The following MPC1 variants were observed in gnomAD, a reference collection of about 807,000 sequenced individuals.
MPC1 encodes HSPC040 protein.
In MPC1, 6 loss-of-function variants were observed where a neutral mutation model predicts 13.9. That is an observed-to-expected ratio of 0.43 (90% CI 0.24 to 0.85). The LOEUF (loss-of-function observed/expected upper bound fraction) is 0.85. Among genes scored for constraint, MPC1 ranks in the 40% least tolerant of loss-of-function variants. The probability of loss-of-function intolerance (pLI) is 0.24; values close to 1 mark genes in which losing one functional copy is unlikely to be tolerated. For synonymous variants in MPC1, 47 were observed against 50.5 expected, an observed-to-expected ratio of 0.93 and a Z score of 0.29; for missense variants, 115 against 143.3, an observed-to-expected ratio of 0.80 and a Z score of 1.01.
At chr6:166,367,705 AT>A (rs1430051653) in intron 2 of MPC1, among the ~76,000 whole-genome samples, 1 of 152,230 alleles carries the variant, frequency 6.6e-6, no homozygotes, top group Non-Finnish European at 1.5e-5. Context: ...TTAATTTAGA[AT>A]TTGGAAATAA....
chr6:166,371,368 C>T lies in MPC1; in HGVS notation c.72-1147G>A, dbSNP rs12110519. 7.5e-3 allele frequency among the ~76,000 whole-genome samples: 1,142 copies of T among 152,194 alleles called. 18 individuals are homozygous for T. The highest frequency in any genetic ancestry group is 0.026 in the African/African-American group (1,081 of 41,522). On this transcript the variant is annotated intron_variant, in intron 1 of 4. Transcript: ENST00000360961. ...TTCCAGAATGTTAAATTTAAAAATA[C>T]ACCAAAAACTTATATTGAGTTACTT...
At chr6:166,370,264 G>A (rs1408206238) in intron 1 of MPC1, 43 bp from the exon 2 acceptor site, 3 of 719,180 alleles carry the variant, frequency 4.2e-6, no homozygotes, top group Admixed American at 2.1e-5. Flanking sequence ...GGACAGACAT[G>A]GAAAAAAAAG....
intron 1 of MPC1, among the ~76,000 whole-genome samples, chr6:166,372,475 G>C (rs78480754): frequency 5.7e-4 from 86 of 152,074 alleles, no homozygotes; most frequent in Non-Finnish European, 1.0e-3. Context: ...TGAGAATAAG[G>C]GAGAATTAAC....
At chr6:166,382,197 CG>C (rs1779814916) in intron 1 of MPC1, among the ~76,000 whole-genome samples, 1 of 152,220 alleles carries the variant, frequency 6.6e-6, no homozygotes, top group Non-Finnish European at 1.5e-5. Flanking sequence ...TCACCCCTGC[CG>C]GGTCACCCTG....
At chr6:166,377,372 G>A (rs1779608484) in intron 1 of MPC1, among the ~76,000 whole-genome samples, 1 of 152,136 alleles carries the variant, frequency 6.6e-6, no homozygotes, top group Admixed American at 6.5e-5. Flanking sequence ...CACCCTGATG[G>A]ACATGGTGGA....
chr6:166,367,730 G>C (rs940923766), intron 2 of MPC1, among the ~76,000 whole-genome samples: 6 of 152,112 alleles, frequency 3.9e-5, no homozygotes, highest in African/African-American at 1.4e-4. Flanking sequence ...TTTCAAATCT[G>C]AAAGGAACCA....
intron 1 of MPC1, among the ~76,000 whole-genome samples, chr6:166,375,985 C>T (rs911998956): frequency 2.6e-5 from 4 of 152,008 alleles, no homozygotes; most frequent in African/African-American, 9.7e-5. Context: ...GTGAAATCTC[C>T]AATTATATTA....
At chr6:166,369,424 A>C (rs2114951871) in intron 2 of MPC1, 1 of 154,292 alleles carries the variant, frequency 6.5e-6, no homozygotes, top group Non-Finnish European at 1.5e-5. Context: ...AAATTAAAAA[A>C]ATAAAAAGTT....
At chr6:166,377,504 G>C (rs1779612888) in intron 1 of MPC1, among the ~76,000 whole-genome samples, 1 of 152,198 alleles carries the variant, frequency 6.6e-6, no homozygotes, top group Non-Finnish European at 1.5e-5. Flanking sequence ...TGAAAGTACT[G>C]AGAGCAATTT....
intron 3 of MPC1, among the ~76,000 whole-genome samples, 193 bp from the exon 4 acceptor site, chr6:166,366,299 T>C (rs1779152489): frequency 6.6e-6 from 1 of 152,230 alleles, no homozygotes; most frequent in Non-Finnish European, 1.5e-5. Context: ...TGTACTGCTA[T>C]GCATTTTTGT....
At chr6:166,373,173 A>G (rs1562459273) in intron 1 of MPC1, among the ~76,000 whole-genome samples, 1 of 152,156 alleles carries the variant, frequency 6.6e-6, no homozygotes, top group Non-Finnish European at 1.5e-5. Flanking sequence ...CAAAGTCCAT[A>G]TCTACATTAA....
chr6:166,380,103 C>G (rs1440022932), intron 1 of MPC1, among the ~76,000 whole-genome samples: 1 of 152,164 alleles, frequency 6.6e-6, no homozygotes, highest in Non-Finnish European at 1.5e-5. Context: ...AATTTCAGTT[C>G]AAGATCATAG....
At chr6:166,381,710 G>T (rs1381877721) in intron 1 of MPC1, 2 of 626,654 alleles carry the variant, frequency 3.2e-6, no homozygotes, top group Non-Finnish European at 4.0e-6. Context: ...CTTTCCAACC[G>T]CGAATGCTCT....
intron 1 of MPC1, among the ~76,000 whole-genome samples, chr6:166,370,592 G>C (rs538854169): frequency 7.2e-5 from 11 of 152,360 alleles, no homozygotes; most frequent in African/African-American, 2.6e-4. Context: ...AGTGGCTTAT[G>C]CCTGTAATCC....
intron 1 of MPC1, among the ~76,000 whole-genome samples, chr6:166,380,939 C>CAAAAAAAAAAA (rs1175434820): frequency 0.012 from 545 of 46,924 alleles, 3 homozygotes; most frequent in Middle Eastern, 0.026. Flanking sequence ...AACTCTGTCT[C>CAAAAAAAAAAA]AAAAAAAAAA....
rs1409778763 is a variant in MPC1, at chr6:166,366,157, G to A, written c.173-51C>T. ...AATCAATAACTTAGAAAACTGAGAG[G>A]GTTGATAGGACCACAGAGATGAACA... On this transcript the variant is annotated intron_variant, in intron 3 of 4. Transcript: ENST00000360961. 4.4e-6 allele frequency: 7 copies of A among 1,587,700 alleles called. No homozygotes were observed. In the African/African-American group the frequency reaches 9.4e-5, roughly 21 times the overall value.
chr6:166,367,465 C>T (rs1020770689), intron 2 of MPC1, among the ~76,000 whole-genome samples: 8 of 152,096 alleles, frequency 5.3e-5, no homozygotes, highest in African/African-American at 1.9e-4. Context: ...ATGCCCAGGA[C>T]CCCAGACACT....
intron 1 of MPC1, among the ~76,000 whole-genome samples, chr6:166,377,147 CTTT>C (rs34639126): frequency 7.2e-6 from 1 of 138,334 alleles, no homozygotes; most frequent in Non-Finnish European, 1.5e-5. Flanking sequence ...ATTATTTATT[CTTT>C]TTTTTTTTTT....
intron 1 of MPC1, among the ~76,000 whole-genome samples, chr6:166,373,150 C>A (rs534727087): frequency 6.6e-6 from 1 of 152,146 alleles, no homozygotes; most frequent in African/African-American, 2.4e-5. Context: ...TACATTGACA[C>A]AGGATTGTTA....
Sources: gnomAD v4.1 joint callset for allele counts (sites outside exome capture counted in the v4.1 genomes callset) on GRCh38, gnomAD v4.1.1 for gene constraint, MANE v1.5 for transcripts, NCBI Gene and HGNC (gene_info 2026-07-23, HGNC 2026-07-21) for gene names.